Variants in PRIMA1 observed in about 807,000 individuals in gnomAD.
PRIMA1 encodes proline rich membrane anchor 1.
In PRIMA1, 7 loss-of-function variants were observed where a neutral mutation model predicts 17.5. The observed-to-expected ratio is 0.40, with a 90% CI of 0.23 to 0.75. The LOEUF is 0.75. Among genes scored for constraint, PRIMA1 ranks in the 30% least tolerant of loss-of-function variants. The pLI, the probability that PRIMA1 is intolerant of heterozygous loss-of-function variation, is 0.37. For missense variants in PRIMA1, 200 were observed against 201.8 expected (o/e 0.99, Z 0.05); for synonymous variants, 97 against 77.9 (o/e 1.25, Z -1.29).
At chr14:93,747,722 GTA>G (rs1038374762) in intron 3 of PRIMA1, among the ~76,000 whole-genome samples, 17 of 151,654 alleles carry the variant, frequency 1.1e-4, no homozygotes, top group African/African-American at 2.4e-4. Flanking sequence ...GTATGAGTGT[GTA>G]TATGAGTGTG....
rs1026291591 is a variant in PRIMA1 at position 93,718,589 on chromosome 14, T to C, written c.*2855A>G. ...ACGTATCTCACACTACCTGGGCAGT[T>C]TAACTCATACTTTGTACAGATGCAG... On this transcript the variant is annotated 3_prime_UTR_variant, in exon 5 of 5. Coordinates refer to ENST00000393140, the MANE Select transcript of PRIMA1 (RefSeq NM_178013.4). 6.6e-6 allele frequency: 1 copy of C among 152,536 alleles called. No homozygotes were observed. Among genetic ancestry groups the C allele is most frequent in the African/African-American group, 2.4e-5 (1 of 41,422 alleles). The allele number at this position is 152,536 out of a possible 1,614,324, so 9.4% of individuals were successfully genotyped here.
chr14:93,737,380 A>G lies in PRIMA1; in HGVS notation c.230-10T>C. ...GAGGTAGAGTTGGGAGCTGAAAAAG[A>G]CAGGAGCAGCCTGAGTGTCACCTGG... On this transcript the variant is annotated splice_polypyrimidine_tract_variant and intron_variant, in intron 3 of 4. Coordinates refer to ENST00000393140, the MANE Select transcript of PRIMA1 (RefSeq NM_178013.4). 1 of 1,613,118 alleles carries G rather than the reference A, an allele frequency of 6.2e-7. No homozygotes were observed. The highest frequency in any genetic ancestry group is 8.5e-7 in the Non-Finnish European group (1 of 1,179,556).
intron 3 of PRIMA1, among the ~76,000 whole-genome samples, chr14:93,763,312 G>A (rs1270955760): frequency 6.6e-6 from 1 of 152,202 alleles, no homozygotes; most frequent in Non-Finnish European, 1.5e-5. Context: ...ACCTGTGACA[G>A]CACTGGGGGT....
chr14:93,748,707 T>G (rs1279061042), intron 3 of PRIMA1, among the ~76,000 whole-genome samples: 3 of 152,210 alleles, frequency 2.0e-5, no homozygotes, highest in African/African-American at 7.2e-5. Context: ...GCTTATCTAT[T>G]TCTGCCTGGT....
At chr14:93,731,891 C>T (rs1040517520) in intron 4 of PRIMA1, among the ~76,000 whole-genome samples, 8 of 152,156 alleles carry the variant, frequency 5.3e-5, no homozygotes, top group South Asian at 2.1e-4. Flanking sequence ...CAAAAGTGCT[C>T]GTTCTACTGA....
chr14:93,773,859 T>C (rs1162649659), intron 3 of PRIMA1, among the ~76,000 whole-genome samples: 1 of 152,152 alleles, frequency 6.6e-6, no homozygotes, highest in East Asian at 1.9e-4. Flanking sequence ...TTTGGGAGGC[T>C]GAGGTGGGCA....
chr14:93,782,931 TTCTC>T (rs1885423204), intron 2 of PRIMA1, among the ~76,000 whole-genome samples: 1 of 152,190 alleles, frequency 6.6e-6, no homozygotes, highest in African/African-American at 2.4e-5. Flanking sequence ...GGACTGAGAT[TTCTC>T]TCTCTCCTTT....
intron 1 of PRIMA1, 146 bp from the exon 2 acceptor site, chr14:93,787,895 G>C: frequency 1.2e-6 from 1 of 841,144 alleles, no homozygotes; most frequent in Non-Finnish European, 1.8e-6. Context: ...TTACACTCCA[G>C]CTTACACCTT....
At position 93,785,972 on chromosome 14, in the gene PRIMA1, C is replaced by T. The variant is rs1391593589; in HGVS notation, c.93+1654G>A. ...GAAGGACACTTAAAAAACTGAACTG[C>T]TTTCACAAAATTATTTCTTCTGGGA... On this transcript the variant is annotated intron_variant, in intron 2 of 4. Coordinates refer to ENST00000393140, the MANE Select transcript of PRIMA1 (RefSeq NM_178013.4). Among the ~76,000 whole-genome samples, 3 of 152,140 alleles carry T rather than the reference C, an allele frequency of 2.0e-5. No homozygotes were observed. In the South Asian group the frequency reaches 6.2e-4, roughly 32 times the overall value.
intron 3 of PRIMA1, among the ~76,000 whole-genome samples, chr14:93,739,109 G>A (rs1452691474): frequency 1.3e-5 from 2 of 151,470 alleles, no homozygotes; most frequent in African/African-American, 4.9e-5. Context: ...CTGGAGTGCA[G>A]TGGCACGATC....
At chr14:93,742,913 T>C (rs2076193257) in intron 3 of PRIMA1, among the ~76,000 whole-genome samples, 1 of 152,184 alleles carries the variant, frequency 6.6e-6, no homozygotes, top group Non-Finnish European at 1.5e-5. Context: ...TACTAATGTA[T>C]GACCCGGGCA....
chr14:93,729,083 T>G lies in PRIMA1; in HGVS notation c.360-7537A>C, dbSNP rs574688298. 2.6e-5 allele frequency among the ~76,000 whole-genome samples: 4 copies of G among 152,256 alleles called. No individual in the cohort carries two copies. The South Asian group carries it at 8.3e-4, about 32-fold the overall frequency. ...CCAAAGAGCCAAGCCCCAGACAGCC[T>G]AGAAGGTGGCAGTGAGGCCCAGGGG... On this transcript the variant is annotated intron_variant, in intron 4 of 4. Transcript: ENST00000393140.
At chr14:93,765,492 C>T (rs887925216) in intron 3 of PRIMA1, among the ~76,000 whole-genome samples, 2 of 149,906 alleles carry the variant, frequency 1.3e-5, no homozygotes, top group South Asian at 2.2e-4. Flanking sequence ...GAGTGGCCAC[C>T]CTGTACTGGA....
chr14:93,748,051 T>TGA (rs1283950685), intron 3 of PRIMA1, among the ~76,000 whole-genome samples: 3 of 141,232 alleles, frequency 2.1e-5, no homozygotes, highest in South Asian at 2.2e-4. Flanking sequence ...TGTGTGAGTG[T>TGA]GTGTATGTGA....
At chr14:93,728,758 A>C (rs1488966905) in intron 4 of PRIMA1, among the ~76,000 whole-genome samples, 1 of 152,056 alleles carries the variant, frequency 6.6e-6, no homozygotes, top group Non-Finnish European at 1.5e-5. Context: ...ACACACCCTC[A>C]ATCTGCTGAG....
chr14:93,727,635 G>A (rs540039840), intron 4 of PRIMA1, among the ~76,000 whole-genome samples: 13 of 152,286 alleles, frequency 8.5e-5, no homozygotes, highest in Admixed American at 3.3e-4. Flanking sequence ...GGGGATGAAG[G>A]GGCTGGGGAA....
intron 2 of PRIMA1, among the ~76,000 whole-genome samples, chr14:93,782,529 G>A (rs1885412489): frequency 6.6e-6 from 1 of 151,466 alleles, no homozygotes; most frequent in South Asian, 2.1e-4. Flanking sequence ...GCTGAGGTGG[G>A]AGGATTGCTT....
At chr14:93,725,569 G>A (rs1454758353) in intron 4 of PRIMA1, among the ~76,000 whole-genome samples, 12 of 152,124 alleles carry the variant, frequency 7.9e-5, no homozygotes, top group African/African-American at 1.2e-4. Flanking sequence ...TTTTCTGGCC[G>A]TGTGACTTCA....
intron 3 of PRIMA1, among the ~76,000 whole-genome samples, chr14:93,766,032 T>C (rs1884885268): frequency 6.6e-6 from 1 of 152,196 alleles, no homozygotes; most frequent in Non-Finnish European, 1.5e-5. Flanking sequence ...TCCTTTGCAC[T>C]CAGGGCCACA....
Sources: gnomAD v4.1 joint callset for allele counts (sites outside exome capture counted in the v4.1 genomes callset) on GRCh38, gnomAD v4.1.1 for gene constraint, MANE v1.5 for transcripts, NCBI Gene and HGNC (gene_info 2026-07-23, HGNC 2026-07-21) for gene names.